Variants in KPTN observed in about 807,000 individuals in gnomAD.
KPTN encodes the protein KICSTOR complex protein kaptin.
In KPTN, 36 loss-of-function variants were observed where a neutral mutation model predicts 52.6. The ratio of observed to expected loss-of-function variants is 0.68; its 90% CI spans 0.52 to 0.90. The LOEUF (loss-of-function observed/expected upper bound fraction) is 0.90. Ranked by LOEUF, KPTN falls within the 40% of genes least tolerant of loss-of-function variation. The pLI, the probability that KPTN is intolerant of heterozygous loss-of-function variation, is 0.00. For synonymous variants in KPTN, 271 were observed against 248.4 expected, an observed-to-expected ratio of 1.09 and a Z score of -0.85; for missense variants, 529 against 576.2, an observed-to-expected ratio of 0.92 and a Z score of 0.84.
In KPTN at chr19:47,475,483, C is replaced by T; in HGVS notation, c.1244G>A (p.Arg415Lys). ...LTRLRHQVEQ[R>K]RRRLQGLEDG... is the part of the protein sequence containing the mutation. ...CTCCAACCCCTGTAGCCGACGTCTC[C>T]TCTGCTCCACTTGATGTCGAAGCCG... Residue 415 changes from arginine to lysine, a missense_variant, in exon 12 of 12, where the codon AGG (arginine) becomes AAG (lysine). Transcript: ENST00000338134. The T allele has an allele frequency of 6.2e-7, 1 of 1,613,576 alleles. No homozygotes were observed. Among genetic ancestry groups the T allele is most frequent in the Non-Finnish European group, 8.5e-7 (1 of 1,179,604 alleles).
intron 1 of KPTN, 27 bp from the exon 2 acceptor site, chr19:47,483,611 T>C (rs2122702764): frequency 2.0e-6 from 3 of 1,486,084 alleles, no homozygotes; most frequent in East Asian, 2.5e-5. Flanking sequence ...CTAAGTTCAG[T>C]GTCAGGCAGA....
At position 47,480,241 on chromosome 19, in the gene KPTN, G is replaced by T. The variant is rs111950281; in HGVS notation, c.709+57C>A. 3.8e-3 allele frequency: 2,450 copies of T among 642,620 alleles called. 47 individuals are homozygous for T. In the African/African-American group the frequency reaches 0.052, roughly 14 times the overall value. The allele number at this position is 642,620 out of a possible 1,614,324, so 39.8% of individuals were successfully genotyped here. A position where few individuals can be genotyped will look rare whatever the true frequency, so the allele number is the denominator to read the frequency against. On this transcript the variant is annotated intron_variant, in intron 7 of 11. Coordinates refer to ENST00000338134, the MANE Select transcript of KPTN (RefSeq NM_007059.4). ...CAGCTCCAGCCCTCAGCCCCACCCTGGCCCCGCCCTCTAGCCCTCAACCCC... is the reference window on the plus strand; with the variant it reads ...CAGCTCCAGCCCTCAGCCCCACCCTTGCCCCGCCCTCTAGCCCTCAACCCC...
At chr19:47,478,309 T>C (rs1212806942) in intron 8 of KPTN, among the ~76,000 whole-genome samples, 9 of 151,404 alleles carry the variant, frequency 5.9e-5, no homozygotes, top group African/African-American at 2.2e-4. Context: ...GTTCTGGGTG[T>C]GGTGGCTCAT....
intron 4 of KPTN, among the ~76,000 whole-genome samples, chr19:47,482,799 G>A (rs111816571): frequency 6.6e-6 from 1 of 152,078 alleles, no homozygotes; most frequent in South Asian, 2.1e-4. Context: ...TCCGCCTCCC[G>A]GGTTCAAGTG....
chr19:47,484,052 CGCCGGCGCCGCCT>C lies in KPTN; in HGVS notation c.96_108del (p.Gly34AlafsTer76). ...GTGGCGGCCAGCAGCTCCCCGCGCC[CGCCGGCGCCGCCT>C]GCCAGCCCGTACACATTGCTCTGCG... On this transcript the variant is annotated frameshift_variant, in exon 1 of 12. Coordinates refer to ENST00000338134, the MANE Select transcript of KPTN (RefSeq NM_007059.4). LOFTEE classifies it high-confidence loss of function. 1 of 1,610,824 alleles carries C rather than the reference CGCCGGCGCCGCCT, an allele frequency of 6.2e-7. No individual in the cohort carries two copies. The highest frequency in any genetic ancestry group is 1.1e-5 in the South Asian group (1 of 91,052).
chr19:47,480,729 C>T (rs1248686259), intron 6 of KPTN, 31 bp downstream of exon 6: 2 of 1,599,086 alleles, frequency 1.3e-6, no homozygotes, highest in East Asian at 2.2e-5. Context: ...GTGCCCCGGT[C>T]CCCAGTGGCC....
At chr19:47,480,463 C>T (rs1967839012) in intron 6 of KPTN, 56 bp from the exon 7 acceptor site, 2 of 1,289,448 alleles carry the variant, frequency 1.6e-6, no homozygotes, top group Non-Finnish European at 2.1e-6. Flanking sequence ...CAGCCCCGCC[C>T]CTCTGCCTCC....
intron 7 of KPTN, 37 bp from the exon 8 acceptor site, chr19:47,479,977 C>G: frequency 6.5e-7 from 1 of 1,547,990 alleles, no homozygotes. Flanking sequence ...CCCAACCCCA[C>G]CCCGGTCCCG....
At chr19:47,480,238 C>T (rs951056781) in intron 7 of KPTN, 60 bp downstream of exon 7, 1 of 1,037,068 alleles carries the variant, frequency 9.6e-7, no homozygotes, top group African/African-American at 1.7e-5. Context: ...TCAGCCCCAC[C>T]CTGGCCCCGC....
At position 47,484,070 on chromosome 19, in the gene KPTN, G is replaced by A. The variant is rs1967988993; in HGVS notation, c.91C>T (p.Leu31=). Residue 31 remains leucine (L), a synonymous_variant, in exon 1 of 12, where the codon CTG becomes TTG. Coordinates refer to ENST00000338134, the MANE Select transcript of KPTN (RefSeq NM_007059.4). ...CCGCGCCCGCCGGCGCCGCCTGCCA[G>A]CCCGTACACATTGCTCTGCGACGAG... ...RFSSQSNVYG[L]AGGAGGRGEL... The A allele has an allele frequency of 2.5e-6, 4 of 1,610,316 alleles. No individual in the cohort carries two copies. The highest frequency in any genetic ancestry group is 3.4e-6 in the Non-Finnish European group (4 of 1,179,814).
intron 11 of KPTN, 132 bp from the exon 12 acceptor site, chr19:47,475,676 G>T: frequency 1.9e-6 from 2 of 1,054,012 alleles, no homozygotes; most frequent in Non-Finnish European, 2.8e-6. Flanking sequence ...GCAGACCACA[G>T]TGTGTGGGAT....
intron 8 of KPTN, 79 bp downstream of exon 8, chr19:47,479,784 G>A (rs1006288651): frequency 3.3e-6 from 4 of 1,203,340 alleles, no homozygotes; most frequent in African/African-American, 3.0e-5. Flanking sequence ...TGCAAATCTG[G>A]GTAGAAGGAC....
chr19:47,482,224 C>T (rs1599876873), intron 4 of KPTN, among the ~76,000 whole-genome samples: 1 of 152,192 alleles, frequency 6.6e-6, no homozygotes. Flanking sequence ...CGTGGTGGCT[C>T]ACGCCTGTAA....
Position 47,480,371 on chromosome 19 carries a change from C to A in KPTN, c.636G>T (p.Thr212=). The change falls in exon 7 of 12, where the codon ACG becomes ACT. Residue 212 remains threonine (T), a synonymous_variant. Transcript: ENST00000338134. Reference sequence around the variant, plus strand: ...AGCCCAGAGCTGAGAGGCGCCGGGACGTGCCGGGGAAGTTGTGGACGTCCA... The same window carrying A: ...AGCCCAGAGCTGAGAGGCGCCGGGAAGTGCCGGGGAAGTTGTGGACGTCCA... ...LWLDVHNFPG[T]SRRLSALGCQ... 1 of 1,549,432 alleles carries A rather than the reference C, an allele frequency of 6.5e-7. No individual in the cohort carries two copies. The highest frequency in any genetic ancestry group is 8.7e-7 in the Non-Finnish European group (1 of 1,146,382).
chr19:47,479,957 G>C lies in KPTN; in HGVS notation c.710-17C>G, dbSNP rs1270014129. ...GCAGAACCTCTGCGTGGAGAGCGAGGATTCAGAGCCCCAACCCCACCCCGG... is the reference window on the plus strand; with the variant it reads ...GCAGAACCTCTGCGTGGAGAGCGAGCATTCAGAGCCCCAACCCCACCCCGG... On this transcript the variant is annotated splice_polypyrimidine_tract_variant and intron_variant, in intron 7 of 11. Transcript: ENST00000338134. 6.2e-7 allele frequency: 1 copy of C among 1,603,608 alleles called. No individual in the cohort carries two copies. The highest frequency in any genetic ancestry group is 2.3e-5 in the East Asian group (1 of 44,392).
Sources: gnomAD v4.1 joint callset for allele counts (sites outside exome capture counted in the v4.1 genomes callset) on GRCh38, gnomAD v4.1.1 for gene constraint, MANE v1.5 for transcripts, NCBI Gene and HGNC (gene_info 2026-07-23, HGNC 2026-07-21) for gene names.